Variants in DLK1 observed in about 807,000 individuals in gnomAD.
The protein encoded by DLK1 is delta like non-canonical Notch ligand 1.
In DLK1, 9 loss-of-function variants were observed where a neutral mutation model predicts 35.2. The ratio of observed to expected loss-of-function variants is 0.26; its 90% CI spans 0.15 to 0.45. The LOEUF is 0.45. Among genes scored for constraint, DLK1 ranks in the 20% least tolerant of loss-of-function variants. The pLI, the probability that DLK1 is intolerant of heterozygous loss-of-function variation, is 1.00. For missense variants in DLK1, 522 were observed against 528.5 expected, an observed-to-expected ratio of 0.99 and a Z score of 0.12; for synonymous variants, 231 against 228.4, an observed-to-expected ratio of 1.01 and a Z score of -0.10.
At chr14:100,731,890 CACTT>C in intron 3 of DLK1, 148 bp from the exon 4 acceptor site, 5 of 934,540 alleles carry the variant, frequency 5.4e-6, no homozygotes, top group South Asian at 2.4e-5. Flanking sequence ...TCAGCTTACT[CACTT>C]CATGGGTTTT....
In DLK1 at chr14:100,734,633, C is replaced by T; in HGVS notation, c.889C>T (p.Pro297Ser). ...VSMKELNKKT[P>S]LLTEGQAICF... is the part of the protein sequence containing the mutation. Reference sequence around the variant, plus strand: ...CATGAAAGAGCTCAACAAGAAAACCCCTCTCCTCACCGAGGGCCAGGCCAT... The same window carrying T: ...CATGAAAGAGCTCAACAAGAAAACCTCTCTCCTCACCGAGGGCCAGGCCAT... The change falls in exon 5 of 5, where the codon CCT becomes TCT. Residue 297 changes from proline (P) to serine (S), a missense_variant. Pro to Ser is a moderately conservative substitution (Grantham distance 74). Transcript: ENST00000341267. This position sits in a 1 kb window ranked among gnomAD's most constrained non-coding sequence, Gnocchi z 7.4. 6.2e-7 allele frequency: 1 copy of T among 1,613,998 alleles called. No individual in the cohort carries two copies. Among genetic ancestry groups the T allele is most frequent in the Admixed American group, 1.7e-5 (1 of 60,026 alleles).
chr14:100,734,948 A>T lies in DLK1; in HGVS notation c.*52A>T, dbSNP rs764376062. The T allele has an allele frequency of 3.2e-5, 49 of 1,520,344 alleles. No individual in the cohort carries two copies. Among genetic ancestry groups the T allele is most frequent in the Non-Finnish European group, 4.1e-5 (47 of 1,141,392 alleles). The allele number at this position is 1,520,344 out of a possible 1,614,324, so 94.2% of individuals were successfully genotyped here. A position where few individuals can be genotyped will look rare whatever the true frequency, so the allele number is the denominator to read the frequency against. On this transcript the variant is annotated 3_prime_UTR_variant, in exon 5 of 5. Transcript: ENST00000341267. This position sits in a 1 kb window ranked among gnomAD's most constrained non-coding sequence, Gnocchi z 7.4. ...TTCTTGGAGTTCCGCAGAGCTTACT[A>T]TACGCGGTCTGTCCTAATCTTTGTG... is the stretch of plus-strand genomic sequence containing the variant.
Position 100,731,980 on chromosome 14 carries a change from G to T in DLK1, c.263-62G>T, listed in dbSNP as rs989520157. 18 of 1,540,202 alleles carry T rather than the reference G, an allele frequency of 1.2e-5. No homozygotes were observed. The Admixed American group carries it at 3.3e-4, about 28-fold the overall frequency. Reference sequence around the variant, plus strand: ...TAGAGCCATTTTAAAGCCCACTGGGGCCCGCATCACGCTCGTGTATGGAGA... The same window carrying T: ...TAGAGCCATTTTAAAGCCCACTGGGTCCCGCATCACGCTCGTGTATGGAGA... On this transcript the variant is annotated intron_variant, in intron 3 of 4. Coordinates refer to ENST00000341267, the MANE Select transcript of DLK1 (RefSeq NM_003836.7).
Position 100,734,366 on chromosome 14 carries a change from C to T in DLK1, c.622C>T (p.Pro208Ser). 6.2e-7 allele frequency: 1 copy of T among 1,612,210 alleles called. No homozygotes were observed. The highest frequency in any genetic ancestry group is 8.5e-7 in the Non-Finnish European group (1 of 1,179,398). The change falls in exon 5 of 5, where the codon CCG becomes TCG. Residue 208 changes from proline to serine, a missense_variant. Physicochemically the swap from Pro to Ser is moderately conservative, Grantham distance 74 (BLOSUM62 -1). Transcript: ENST00000341267. This position sits in a 1 kb window ranked among gnomAD's most constrained non-coding sequence, Gnocchi z 7.4. ...AGFIDKTCSR[P>S]VTNCASSPCQ... is the part of the protein sequence containing the mutation. ...CTTCATCGACAAGACCTGCAGCCGC[C>T]CGGTGACCAACTGCGCCAGCAGCCC... is the stretch of plus-strand genomic sequence containing the variant.
chr14:100,732,319 G>A (rs1458881368), intron 4 of DLK1, 136 bp downstream of exon 4: 1 of 1,338,570 alleles, frequency 7.5e-7, no homozygotes, highest in East Asian at 2.5e-5. Flanking sequence ...GCCCCGTAGG[G>A]GACCGCCCTG....
At chr14:100,729,663 C>T (rs536301915) in intron 3 of DLK1, among the ~76,000 whole-genome samples, 1 of 152,184 alleles carries the variant, frequency 6.6e-6, no homozygotes, top group African/African-American at 2.4e-5. Flanking sequence ...TGGGTGTTAT[C>T]TGTTGATTTC....
chr14:100,732,038 G>A lies in DLK1; in HGVS notation c.263-4G>A, dbSNP rs372917102. 43 of 1,610,074 alleles carry A rather than the reference G, an allele frequency of 2.7e-5. No individual in the cohort carries two copies. Among genetic ancestry groups the A allele is most frequent in the Admixed American group, 5.0e-5 (3 of 59,406 alleles). ...AAGTTCTCGTCTTCCCCGTCACCCC[G>A]CAGATGTTCGGGCCTGCTCCTCGGC... On this transcript the variant is annotated splice_polypyrimidine_tract_variant and splice_region_variant and intron_variant, in intron 3 of 4. Coordinates refer to ENST00000341267, the MANE Select transcript of DLK1 (RefSeq NM_003836.7).
intron 4 of DLK1, 125 bp downstream of exon 4, chr14:100,732,308 A>G (rs2036519168): frequency 4.8e-6 from 7 of 1,446,096 alleles, no homozygotes; most frequent in Middle Eastern, 1.8e-4. Context: ...TCATCCTGGC[A>G]GCCCCGTAGG....
In DLK1 at chr14:100,737,422, G is replaced by A. The variant is rs541225377; in HGVS notation, c.*2526G>A. ...AGTTTCCCCAAATAGAAAATTCTAA[G>A]ATTGGTCAGATGATCAAATTATCTA... On this transcript the variant is annotated 3_prime_UTR_variant, in exon 5 of 5. Transcript: ENST00000341267. The A allele has an allele frequency of 1.9e-4, 29 of 152,140 alleles. No individual in the cohort carries two copies. Among genetic ancestry groups the A allele is most frequent in the African/African-American group, 6.7e-4 (28 of 41,530 alleles). The allele number at this position is 152,140 out of a possible 1,614,324, so 9.4% of individuals were successfully genotyped here.
At chr14:100,731,341 T>TGGGGG (rs1467703702) in intron 3 of DLK1, among the ~76,000 whole-genome samples, 2 of 152,190 alleles carry the variant, frequency 1.3e-5, no homozygotes, top group Non-Finnish European at 2.9e-5. Context: ...GGTGGGAATA[T>TGGGGG]ACCAGTGCTC....
At chr14:100,732,313 C>T (rs2036519396) in intron 4 of DLK1, 130 bp downstream of exon 4, 3 of 1,375,974 alleles carry the variant, frequency 2.2e-6, no homozygotes, top group East Asian at 2.5e-5. Context: ...CTGGCAGCCC[C>T]GTAGGGGACC....
At chr14:100,730,937 T>A (rs1406810200) in intron 3 of DLK1, among the ~76,000 whole-genome samples, 1 of 152,034 alleles carries the variant, frequency 6.6e-6, no homozygotes, top group Admixed American at 6.5e-5. Flanking sequence ...AATACGCACA[T>A]GTGTGGCCTC....
At chr14:100,728,894 C>T in intron 2 of DLK1, 42 bp from the exon 3 acceptor site, 3 of 1,605,686 alleles carry the variant, frequency 1.9e-6, no homozygotes, top group Admixed American at 1.7e-5. Flanking sequence ...TCTACCCCTG[C>T]CCTCTTCATA....
rs1295669953 is a variant in DLK1 at position 100,734,875 on chromosome 14, G to A, written c.1131G>A (p.Glu377=). 2 of 1,595,104 alleles carry A rather than the reference G, an allele frequency of 1.3e-6. No homozygotes were observed. Among genetic ancestry groups the A allele is most frequent in the Admixed American group, 3.4e-5 (2 of 58,786 alleles). The change falls in exon 5 of 5, where the codon GAG becomes GAA. Residue 377 remains glutamate, a synonymous_variant. Transcript: ENST00000341267. This position sits in a 1 kb window ranked among gnomAD's most constrained non-coding sequence, Gnocchi z 7.4. ...EKIDMTTFSK[E]AGDEEI ...TCGACATGACCACCTTCAGCAAGGAGGCCGGCGACGAGGAGATCTAAGCAG... is the reference window on the plus strand; with the variant it reads ...TCGACATGACCACCTTCAGCAAGGAAGCCGGCGACGAGGAGATCTAAGCAG...
intron 3 of DLK1, among the ~76,000 whole-genome samples, chr14:100,731,613 C>A (rs2036507884): frequency 6.6e-6 from 1 of 152,096 alleles, no homozygotes; most frequent in South Asian, 2.1e-4. Flanking sequence ...GGGCTGTATT[C>A]ATCCCCCGGC....
At position 100,728,412 on chromosome 14, in the gene DLK1, G is replaced by T. The variant is rs771292634; in HGVS notation, c.84G>T (p.Pro28=). The T allele has an allele frequency of 6.2e-7, 1 of 1,613,782 alleles. No homozygotes were observed. Among genetic ancestry groups the T allele is most frequent in the African/African-American group, 1.3e-5 (1 of 74,834 alleles). Residue 28 remains proline, a synonymous_variant, in exon 2 of 5, where the codon CCG becomes CCT. Coordinates refer to ENST00000341267, the MANE Select transcript of DLK1 (RefSeq NM_003836.7). The part of the protein sequence containing the change: ...GHSTYGAECF[P]ACNPQNGFCE... ...GTACCTCAGGGGCTGAATGCTTCCC[G>T]GCCTGCAACCCCCAAAATGGATTCT...
chr14:100,730,243 G>T lies in DLK1; in HGVS notation c.262+1177G>T, dbSNP rs568602806. Among the ~76,000 whole-genome samples the T allele has an allele frequency of 2.6e-5, 4 of 152,324 alleles. No individual in the cohort carries two copies. The East Asian group carries it at 7.7e-4, about 29-fold the overall frequency. ...TCACAGAAGCAGCGGCAGCAGCTCT[G>T]AGTCGTTTGAGGATCTGGGGGATTC... On this transcript the variant is annotated intron_variant, in intron 3 of 4. Coordinates refer to ENST00000341267, the MANE Select transcript of DLK1 (RefSeq NM_003836.7).
chr14:100,729,120 G>A (rs1406639021), intron 3 of DLK1, 54 bp downstream of exon 3: 2 of 1,608,320 alleles, frequency 1.2e-6, no homozygotes, highest in Non-Finnish European at 1.7e-6. Context: ...GCCTGCCCTA[G>A]CCCCTACCAC....
Position 100,736,019 on chromosome 14 carries a change from T to C in DLK1, c.*1123T>C, listed in dbSNP as rs936157646. 1.3e-5 allele frequency: 2 copies of C among 152,188 alleles called. No individual in the cohort carries two copies. Among genetic ancestry groups the C allele is most frequent in the Non-Finnish European group, 2.9e-5 (2 of 68,038 alleles). The allele number at this position is 152,188 out of a possible 1,614,324, so 9.4% of individuals were successfully genotyped here. A position where few individuals can be genotyped will look rare whatever the true frequency, so the allele number is the denominator to read the frequency against. On this transcript the variant is annotated 3_prime_UTR_variant, in exon 5 of 5. Transcript: ENST00000341267. ...TCACCAAGGTTTTCACAGGGATTAGTGGAAATTGTCACTTGTGGGGCGCTT... is the reference window on the plus strand; with the variant it reads ...TCACCAAGGTTTTCACAGGGATTAGCGGAAATTGTCACTTGTGGGGCGCTT...
Sources: gnomAD v4.1 joint callset for allele counts (sites outside exome capture counted in the v4.1 genomes callset) on GRCh38, gnomAD v4.1.1 for gene constraint, Gnocchi (gnomAD v3.1) non-coding constraint, MANE v1.5 for transcripts, NCBI Gene and HGNC (gene_info 2026-07-23, HGNC 2026-07-21) for gene names.